Variants in HTR2A observed in about 807,000 individuals in gnomAD.
HTR2A encodes the protein 5-HT2 receptor.
HTR2A carries 14 observed loss-of-function variants against 31.0 expected under a neutral mutation model. The observed-to-expected ratio is 0.45, with a 90% CI of 0.30 to 0.71. The LOEUF (loss-of-function observed/expected upper bound fraction) is 0.71. HTR2A is among the 30% of genes least tolerant of loss of function. The pLI is 0.09. For synonymous variants in HTR2A, 209 were observed against 225.2 expected (o/e 0.93, Z 0.64); for missense variants, 442 against 573.3 (o/e 0.77, Z 2.34).
Position 46,892,477 on chromosome 13 carries a change from C to T in HTR2A, c.526G>A (p.Ala176Thr), listed in dbSNP as rs1334203728. 3.7e-6 allele frequency: 6 copies of T among 1,614,066 alleles called. No individual in the cohort carries two copies. The highest frequency in any genetic ancestry group is 5.1e-6 in the Non-Finnish European group (6 of 1,180,038). Residue 176 changes from alanine (A) to threonine (T), a missense_variant, in exon 3 of 4, where the codon GCC becomes ACC. This residue lies in a region of HTR2A where 86 missense variants were observed against 179.1 expected (regional missense o/e 0.48). Coordinates refer to ENST00000542664, the MANE Select transcript of HTR2A (RefSeq NM_000621.5). ...CTGTGGTGGATGGGATTCTGGATGG[C>T]GACGTAGCGGTCCAGCGAGATGGCG... The part of the protein sequence containing the change: ...LCAISLDRYV[A>T]IQNPIHHSRF...
chr13:46,889,870 C>T (rs1233236431), intron 3 of HTR2A, among the ~76,000 whole-genome samples: 1 of 152,210 alleles, frequency 6.6e-6, no homozygotes, highest in African/African-American at 2.4e-5. Flanking sequence ...TTCCTTTTTA[C>T]ATTTTCCGCT....
chr13:46,871,336 C>T (rs1950862178), intron 3 of HTR2A, among the ~76,000 whole-genome samples: 1 of 152,072 alleles, frequency 6.6e-6, no homozygotes, highest in African/African-American at 2.4e-5. Context: ...ATATTGCCTC[C>T]TTTTATGATT....
In HTR2A at chr13:46,849,825, ATC is replaced by A. The variant is rs1321434026; in HGVS notation, c.614-14188_614-14187del. Among the ~76,000 whole-genome samples the A allele has an allele frequency of 2.0e-5, 3 of 152,244 alleles. No individual in the cohort carries two copies. In the East Asian group the frequency reaches 5.8e-4, roughly 29 times the overall value. ...TGTTTGGTCTATTTATTTGCTTGTC[ATC>A]TCTCTGTTTACGTGAATGTGAGCTC... On this transcript the variant is annotated intron_variant, in intron 3 of 3. Coordinates refer to ENST00000542664, the MANE Select transcript of HTR2A (RefSeq NM_000621.5).
intron 3 of HTR2A, among the ~76,000 whole-genome samples, chr13:46,880,927 GGATCATCTATGCTGTGCTAAGT>G (rs1185532373): frequency 5.3e-5 from 8 of 152,178 alleles, no homozygotes; most frequent in Non-Finnish European, 4.4e-5. Flanking sequence ...CAGTGGCCAT[GGATCATCTATGCTGTGCTAAGT>G]GCTGTTTTAT....
At chr13:46,859,561 TC>T (rs1950764984) in intron 3 of HTR2A, among the ~76,000 whole-genome samples, 1 of 152,000 alleles carries the variant, frequency 6.6e-6, no homozygotes, top group South Asian at 2.1e-4. Flanking sequence ...TTTACCACCA[TC>T]CCCCTAGTGC....
chr13:46,855,480 G>T (rs1193892833), intron 3 of HTR2A, among the ~76,000 whole-genome samples: 1 of 152,142 alleles, frequency 6.6e-6, no homozygotes, highest in African/African-American at 2.4e-5. Flanking sequence ...CACTTTCCCA[G>T]TTCAGTGTGG....
chr13:46,854,616 G>T (rs564877937), intron 3 of HTR2A, among the ~76,000 whole-genome samples: 73 of 152,230 alleles, frequency 4.8e-4, no homozygotes, highest in African/African-American at 1.6e-3. Flanking sequence ...CCCCAGCCCT[G>T]GCTCTGACAT....
intron 3 of HTR2A, 91 bp downstream of exon 3, chr13:46,892,299 G>A (rs1056146041): frequency 5.0e-6 from 6 of 1,190,186 alleles, no homozygotes; most frequent in Non-Finnish European, 7.5e-6. Flanking sequence ...GATTGAGGAT[G>A]TCAGGTTTCA....
chr13:46,859,804 GGCAAT>G (rs1566308506), intron 3 of HTR2A, among the ~76,000 whole-genome samples: 1 of 152,016 alleles, frequency 6.6e-6, no homozygotes, highest in Admixed American at 6.6e-5. Flanking sequence ...ATTTCTTTAC[GGCAAT>G]GCAAGAGTGG....
At chr13:46,839,544 T>C (rs1032691169) in intron 3 of HTR2A, among the ~76,000 whole-genome samples, 1 of 152,188 alleles carries the variant, frequency 6.6e-6, no homozygotes, top group Non-Finnish European at 1.5e-5. Flanking sequence ...ACCTGACATC[T>C]CCTCTCACTT....
chr13:46,857,064 G>A (rs1950743604), intron 3 of HTR2A, among the ~76,000 whole-genome samples: 1 of 152,086 alleles, frequency 6.6e-6, no homozygotes, highest in Non-Finnish European at 1.5e-5. Flanking sequence ...CACTTTGGGA[G>A]GCTGAGGTGG....
intron 3 of HTR2A, among the ~76,000 whole-genome samples, chr13:46,866,785 G>A (rs751554118): frequency 2.0e-4 from 30 of 152,328 alleles, no homozygotes; most frequent in Non-Finnish European, 4.4e-5. Context: ...CCAGAACTTT[G>A]GGAGGCCAAG....
rs1190243855 is a variant in HTR2A, at chr13:46,833,947, T to C, written c.*890A>G. On this transcript the variant is annotated 3_prime_UTR_variant, in exon 4 of 4. Transcript: ENST00000542664. ...CAATCCTGACACAGTTACATCAATA[T>C]ACATTTACTGCTCAAAAGAGTGCAT... is the stretch of plus-strand genomic sequence containing the variant. 2 of 152,210 alleles carry C rather than the reference T, an allele frequency of 1.3e-5. No individual in the cohort carries two copies. The highest frequency in any genetic ancestry group is 4.8e-5 in the African/African-American group (2 of 41,454). 9.4% of individuals were successfully genotyped at this position (152,210 alleles called of 1,614,324 possible). A position where few individuals can be genotyped will look rare whatever the true frequency, so the allele number is the denominator to read the frequency against.
rs573056539 is a variant in HTR2A, at chr13:46,855,701, G to A, written c.614-20062C>T. 3.3e-5 allele frequency among the ~76,000 whole-genome samples: 5 copies of A among 152,178 alleles called. No individual in the cohort carries two copies. The East Asian group carries it at 5.8e-4, about 18-fold the overall frequency. ...ACCTTGCTACAAAAATTTTAGGACCGAGAAAAGTAAGTACTGCTCCCCCAA... is the reference window on the plus strand; with the variant it reads ...ACCTTGCTACAAAAATTTTAGGACCAAGAAAAGTAAGTACTGCTCCCCCAA... On this transcript the variant is annotated intron_variant, in intron 3 of 3. Transcript: ENST00000542664.
intron 3 of HTR2A, among the ~76,000 whole-genome samples, chr13:46,876,125 C>T (rs956925932): frequency 4.0e-5 from 6 of 151,242 alleles, no homozygotes; most frequent in African/African-American, 9.7e-5. Flanking sequence ...TGTTGCTTAT[C>T]GAGCCATATC....
intron 3 of HTR2A, among the ~76,000 whole-genome samples, chr13:46,852,825 GA>G (rs1228156025): frequency 3.3e-5 from 5 of 152,062 alleles, no homozygotes; most frequent in African/African-American, 4.8e-5. Flanking sequence ...TTAACTTTTG[GA>G]TTAAAACTGT....
chr13:46,865,639 G>A (rs755337690), intron 3 of HTR2A, among the ~76,000 whole-genome samples: 3 of 152,172 alleles, frequency 2.0e-5, no homozygotes, highest in South Asian at 2.1e-4. Flanking sequence ...AGCCATGTGT[G>A]TACTGACCAC....
chr13:46,850,156 C>T (rs1468441181), intron 3 of HTR2A, among the ~76,000 whole-genome samples: 1 of 152,186 alleles, frequency 6.6e-6, no homozygotes, highest in Non-Finnish European at 1.5e-5. Context: ...TTTCCCTAGA[C>T]AGAGCCCTTT....
chr13:46,877,296 G>T (rs1011894336), intron 3 of HTR2A, among the ~76,000 whole-genome samples: 1 of 152,148 alleles, frequency 6.6e-6, no homozygotes, highest in Non-Finnish European at 1.5e-5. Context: ...AATCTGAAAC[G>T]AAAGCTCACC....
Sources: gnomAD v4.1 joint callset for allele counts (sites outside exome capture counted in the v4.1 genomes callset) on GRCh38, gnomAD v4.1.1 for gene constraint, gnomAD v4.1.1 regional missense constraint, MANE v1.5 for transcripts, NCBI Gene and HGNC (gene_info 2026-07-23, HGNC 2026-07-21) for gene names.